The following VWA3B variants were observed in gnomAD, a reference collection of about 807,000 sequenced individuals.
VWA3B encodes von Willebrand factor A domain containing 3B.
Under a neutral mutation model 158.3 loss-of-function variants are expected in VWA3B, and 138 were observed. The observed-to-expected ratio is 0.87, with a 90% CI of 0.76 to 1.00. The LOEUF is 1.00. Among genes scored for constraint, VWA3B ranks in the 50% least tolerant of loss-of-function variants. The probability of loss-of-function intolerance (pLI) is 0.00; values close to 1 mark genes in which losing one functional copy is unlikely to be tolerated. For missense variants in VWA3B, 1,555 were observed against 1,565.1 expected, an observed-to-expected ratio of 0.99 and a Z score of 0.11; for synonymous variants, 596 against 587.3, an observed-to-expected ratio of 1.01 and a Z score of -0.21.
intron 7 of VWA3B, among the ~76,000 whole-genome samples, chr2:98,140,406 G>A (rs1676682677): frequency 1.3e-5 from 2 of 152,192 alleles, no homozygotes; most frequent in African/African-American, 4.8e-5. Flanking sequence ...CTGCTGACCG[G>A]AAGCTGCCAC....
chr2:98,204,983 TGCCTG>T (rs1178558816), intron 12 of VWA3B, among the ~76,000 whole-genome samples: 1 of 152,132 alleles, frequency 6.6e-6, no homozygotes, highest in Admixed American at 6.5e-5. Flanking sequence ...TGGTGACAGA[TGCCTG>T]TAATCCCAGC....
intron 22 of VWA3B, among the ~76,000 whole-genome samples, chr2:98,289,059 A>G (rs1239250421): frequency 6.6e-6 from 1 of 152,178 alleles, no homozygotes. Flanking sequence ...ACAGTTCAGG[A>G]GTATATGCCT....
At chr2:98,317,644 A>G (rs1052837797), downstream of VWA3B, among the ~76,000 whole-genome samples, 2 of 152,114 alleles carry the variant, frequency 1.3e-5, no homozygotes, top group African/African-American at 4.8e-5. Flanking sequence ...TTTCAAATCT[A>G]CCTATAACCT....
Position 98,121,466 on chromosome 2 carries a change from C to T in VWA3B, c.702+8C>T, listed in dbSNP as rs200973481. 8 of 1,611,800 alleles carry T rather than the reference C, an allele frequency of 5.0e-6. No homozygotes were observed. Among genetic ancestry groups the T allele is most frequent in the Admixed American group, 3.3e-5 (2 of 59,988 alleles). Reference sequence around the variant, plus strand: ...GCCGGGAGAGACAAGACTGTAAGTGCGTGTTCATGGCTGGCCCCAGGCCAT... The same window carrying T: ...GCCGGGAGAGACAAGACTGTAAGTGTGTGTTCATGGCTGGCCCCAGGCCAT... On this transcript the variant is annotated splice_region_variant and intron_variant, in intron 5 of 27. Transcript: ENST00000477737.
Position 98,294,211 on chromosome 2 carries a change from A to C in VWA3B, c.3157+3589A>C, listed in dbSNP as rs1189155353. 1.3e-4 allele frequency among the ~76,000 whole-genome samples: 19 copies of C among 149,808 alleles called. 1 individual carries two copies. Among genetic ancestry groups the C allele is most frequent in the Admixed American group, 2.7e-4 (4 of 15,066 alleles). Reference sequence around the variant, plus strand: ...ACACACACACACACACACAAAAAAAAAAAAAAAAAAAAAAAAAAAGAAGGC... The same window carrying C: ...ACACACACACACACACACAAAAAAACAAAAAAAAAAAAAAAAAAAGAAGGC... On this transcript the variant is annotated intron_variant, in intron 23 of 27. Coordinates refer to ENST00000477737, the MANE Select transcript of VWA3B (RefSeq NM_144992.5).
intron 22 of VWA3B, among the ~76,000 whole-genome samples, chr2:98,273,174 T>C (rs1305728389): frequency 6.6e-6 from 1 of 152,242 alleles, no homozygotes; most frequent in Non-Finnish European, 1.5e-5. Flanking sequence ...TTCCCAAAGA[T>C]CTGACCTTTC....
chr2:98,172,576 G>A (rs1679688551), intron 8 of VWA3B, among the ~76,000 whole-genome samples: 2 of 152,170 alleles, frequency 1.3e-5, no homozygotes, highest in Admixed American at 6.5e-5. Context: ...CCTAGCCAGG[G>A]TCCACACCCT....
At chr2:98,136,502 T>C (rs1260583385) in intron 7 of VWA3B, among the ~76,000 whole-genome samples, 1 of 151,986 alleles carries the variant, frequency 6.6e-6, no homozygotes, top group Non-Finnish European at 1.5e-5. Context: ...CGATTTGGTG[T>C]CTGGTGAAGG....
chr2:98,312,353 C>T lies in VWA3B; in HGVS notation c.*4C>T, dbSNP rs1558788652. ...GAGCGTCCCTGAGACACTTTAAGGCCGTCTGGTGGCAGCTATGTTTAAGAG... is the reference window on the plus strand; with the variant it reads ...GAGCGTCCCTGAGACACTTTAAGGCTGTCTGGTGGCAGCTATGTTTAAGAG... On this transcript the variant is annotated 3_prime_UTR_variant, in exon 28 of 28. Coordinates refer to ENST00000477737, the MANE Select transcript of VWA3B (RefSeq NM_144992.5). 1.2e-6 allele frequency: 2 copies of T among 1,603,164 alleles called. No homozygotes were observed. Among genetic ancestry groups the T allele is most frequent in the Non-Finnish European group, 8.5e-7 (1 of 1,172,420 alleles).
Position 98,125,112 on chromosome 2 carries a change from T to A in VWA3B, c.703-3127T>A, listed in dbSNP as rs1164227856. 1.3e-5 allele frequency among the ~76,000 whole-genome samples: 2 copies of A among 152,220 alleles called. No homozygotes were observed. Among genetic ancestry groups the A allele is most frequent in the East Asian group, 3.9e-4 (2 of 5,194 alleles). Reference sequence around the variant, plus strand: ...CTGCTACTGAGCCTCAGGACTGGACTTTGCCTTCAAGGAGCTCAAAGACAC... The same window carrying A: ...CTGCTACTGAGCCTCAGGACTGGACATTGCCTTCAAGGAGCTCAAAGACAC... On this transcript the variant is annotated intron_variant, in intron 5 of 27. Transcript: ENST00000477737. The surrounding 1 kb of genome is among the most constrained non-coding windows in gnomAD (Gnocchi z 4.1).
chr2:98,104,083 C>A (rs938803959), intron 2 of VWA3B, among the ~76,000 whole-genome samples: 2 of 152,060 alleles, frequency 1.3e-5, no homozygotes, highest in African/African-American at 4.8e-5. Context: ...TGATAAATAT[C>A]TATAGTCTAT....
Position 98,212,016 on chromosome 2 carries a change from G to C in VWA3B, c.1824G>C (p.Gly608=). Residue 608 remains glycine, a synonymous_variant, in exon 13 of 28, where the codon GGG becomes GGC. Transcript: ENST00000477737. ...AGGCAATCTACCTTCTGACCGATGG[G>C]AGACCTGATCAGGTACTTACCAGAG... ...ETQAIYLLTD[G]RPDQPPETVI... is the part of the protein sequence containing the mutation. 1 of 1,614,042 alleles carries C rather than the reference G, an allele frequency of 6.2e-7. No individual in the cohort carries two copies. The highest frequency in any genetic ancestry group is 8.5e-7 in the Non-Finnish European group (1 of 1,179,938).
chr2:98,222,867 T>C (rs1032992435), intron 14 of VWA3B, among the ~76,000 whole-genome samples: 2 of 151,918 alleles, frequency 1.3e-5, no homozygotes, highest in Admixed American at 6.5e-5. Flanking sequence ...CCAAGTAAAA[T>C]AAAAGATTTT....
At chr2:98,324,962 G>T in the VWA3B span, among the ~76,000 whole-genome samples, 2 of 151,668 alleles carry the variant, frequency 1.3e-5, no homozygotes, top group African/African-American at 2.4e-5. Context: ...AATGACAGAG[G>T]AGTCAGTGGC....
chr2:98,251,916 C>T (rs1375747318), intron 20 of VWA3B, among the ~76,000 whole-genome samples: 2 of 152,146 alleles, frequency 1.3e-5, no homozygotes. Flanking sequence ...TGAATCTTTA[C>T]CTGAGAGGAA....
At chr2:98,213,859 A>G (rs1683750331) in intron 13 of VWA3B, among the ~76,000 whole-genome samples, 1 of 152,154 alleles carries the variant, frequency 6.6e-6, no homozygotes, top group African/African-American at 2.4e-5. Context: ...AATTGTTTAC[A>G]CTATGGACAA....
At chr2:98,144,923 G>A (rs546364685) in intron 7 of VWA3B, among the ~76,000 whole-genome samples, 2 of 152,328 alleles carry the variant, frequency 1.3e-5, no homozygotes, top group South Asian at 4.1e-4. Flanking sequence ...CAGCCTGGCT[G>A]CTACAATGCC....
the VWA3B span, among the ~76,000 whole-genome samples, chr2:98,324,185 C>T: frequency 2.0e-5 from 3 of 150,582 alleles, no homozygotes; most frequent in African/African-American, 7.3e-5. Flanking sequence ...TTTTTTTAGA[C>T]TAAATCTTGC....
intron 22 of VWA3B, among the ~76,000 whole-genome samples, chr2:98,290,205 G>A (rs1034930129): frequency 2.0e-5 from 3 of 152,216 alleles, no homozygotes; most frequent in African/African-American, 7.2e-5. Flanking sequence ...CAAAGGGGAA[G>A]CAAGCACATA....
Sources: allele counts gnomAD v4.1 joint callset (sites outside exome capture counted in the v4.1 genomes callset), GRCh38; gene constraint gnomAD v4.1.1; non-coding constraint Gnocchi (gnomAD v3.1); transcripts MANE v1.5; gene names NCBI Gene and HGNC (gene_info 2026-07-23, HGNC 2026-07-21).